The following PXDNL variants were observed in gnomAD, a reference collection of about 807,000 sequenced individuals.
PXDNL encodes probable oxidoreductase PXDNL.
In PXDNL, 145 loss-of-function variants were observed where a neutral mutation model predicts 150.8. The ratio of observed to expected loss-of-function variants is 0.96; its 90% CI spans 0.84 to 1.10. The LOEUF (loss-of-function observed/expected upper bound fraction) is 1.10. Ranked by LOEUF, PXDNL falls within the 50% of genes least tolerant of loss-of-function variation. The pLI, the probability that PXDNL is intolerant of heterozygous loss-of-function variation, is 0.00. For missense variants in PXDNL, 2,087 were observed against 1,873.9 expected (o/e 1.11, Z -2.10); for synonymous variants, 757 against 725.7 (o/e 1.04, Z -0.69).
chr8:51,498,617 G>A (rs895983383), intron 5 of PXDNL, among the ~76,000 whole-genome samples: 3 of 152,010 alleles, frequency 2.0e-5, no homozygotes, highest in Admixed American at 6.6e-5. Context: ...TGTAGACATC[G>A]TGATGTAGAG....
rs114911708 is a variant in PXDNL, at chr8:51,550,940, G to T, written c.380+5900C>A. ...TAAAGGCTCATCCAAAGAGCTCTTA[G>T]ATCTGATAAATGAATTCAGTAAACT... On this transcript the variant is annotated intron_variant, in intron 4 of 22. Transcript: ENST00000356297. 1.8e-3 allele frequency among the ~76,000 whole-genome samples: 273 copies of T among 152,260 alleles called. 1 individual carries two copies. Among genetic ancestry groups the T allele is most frequent in the African/African-American group, 6.0e-3 (250 of 41,552 alleles).
chr8:51,627,754 C>A (rs1398727654), intron 2 of PXDNL, among the ~76,000 whole-genome samples: 2 of 152,118 alleles, frequency 1.3e-5, no homozygotes, highest in Non-Finnish European at 2.9e-5. Flanking sequence ...CTTGCCCCAC[C>A]CCCATCCTGG....
intron 1 of PXDNL, among the ~76,000 whole-genome samples, chr8:51,786,518 C>T (rs2037462045): frequency 6.6e-6 from 1 of 151,868 alleles, no homozygotes; most frequent in Admixed American, 6.6e-5. Context: ...CTTCCTCACT[C>T]CCCGACCCCC....
intron 17 of PXDNL, 72 bp from the exon 18 acceptor site, chr8:51,374,803 G>T: frequency 2.0e-6 from 3 of 1,504,924 alleles, no homozygotes; most frequent in South Asian, 2.4e-5. Flanking sequence ...TTATGTGAAT[G>T]ACCACCAAGC....
Position 51,537,196 on chromosome 8 carries a change from T to C in PXDNL, c.380+19644A>G, listed in dbSNP as rs188547749. ...GGGGAACTTTGAAAAAAACCACTGA[T>C]GCCAGCACCCTCCTCCTGAGATTCT... On this transcript the variant is annotated intron_variant, in intron 4 of 22. Transcript: ENST00000356297. Among the ~76,000 whole-genome samples, 83 of 152,260 alleles carry C rather than the reference T, an allele frequency of 5.5e-4. 1 individual carries two copies. Among genetic ancestry groups the C allele is most frequent in the African/African-American group, 2.0e-3 (82 of 41,552 alleles).
At chr8:51,622,607 A>G (rs758390855) in intron 2 of PXDNL, among the ~76,000 whole-genome samples, 42 of 152,124 alleles carry the variant, frequency 2.8e-4, no homozygotes, top group Admixed American at 2.3e-3. Flanking sequence ...TGACTGCGTG[A>G]TAACATAATA....
rs749317259 is a variant in PXDNL, at chr8:51,339,758, T to C, written c.4017-5A>G. On this transcript the variant is annotated splice_region_variant and splice_polypyrimidine_tract_variant and intron_variant, in intron 20 of 22. Transcript: ENST00000356297. ...ACATATATTTTATCTTGTTGCCTAT[T>C]TATAACAAGAAGCAAATAAAATGCT... The C allele has an allele frequency of 6.3e-7, 1 of 1,586,104 alleles. No individual in the cohort carries two copies. The highest frequency in any genetic ancestry group is 2.2e-5 in the East Asian group (1 of 44,538).
chr8:51,737,508 A>G (rs7005788), intron 1 of PXDNL, among the ~76,000 whole-genome samples: 101,812 of 152,114 alleles, frequency 0.67, 35,594 homozygotes, highest in East Asian at 0.85. Context: ...ACCCTGCTCC[A>G]GGCCCAGCCA....
At chr8:51,425,809 G>A (rs182250531) in intron 13 of PXDNL, among the ~76,000 whole-genome samples, 5,591 of 151,116 alleles carry the variant, frequency 0.037, 151 homozygotes, top group Non-Finnish European at 0.053. Flanking sequence ...GCGACAAAGC[G>A]AGACTCCGTC....
intron 19 of PXDNL, among the ~76,000 whole-genome samples, chr8:51,360,417 A>G (rs1401117602): frequency 1.3e-5 from 2 of 152,182 alleles, no homozygotes; most frequent in African/African-American, 2.4e-5. Context: ...TTAAACATGC[A>G]TGTATCATAC....
At chr8:51,598,404 C>T (rs1813620506) in intron 2 of PXDNL, among the ~76,000 whole-genome samples, 1 of 152,094 alleles carries the variant, frequency 6.6e-6, no homozygotes, top group Non-Finnish European at 1.5e-5. Flanking sequence ...AAGTAGATTC[C>T]TTTAATGCCT....
At chr8:51,726,311 A>T (rs1033145542) in intron 1 of PXDNL, among the ~76,000 whole-genome samples, 1 of 152,190 alleles carries the variant, frequency 6.6e-6, no homozygotes, top group Non-Finnish European at 1.5e-5. Flanking sequence ...TAGTGGATGA[A>T]CACGCCGGCT....
At chr8:51,625,518 A>G (rs551912143) in intron 2 of PXDNL, among the ~76,000 whole-genome samples, 10 of 152,330 alleles carry the variant, frequency 6.6e-5, no homozygotes, top group African/African-American at 2.2e-4. Flanking sequence ...AAAATAAAAT[A>G]CACGATAATT....
chr8:51,636,501 C>T (rs963913014), intron 2 of PXDNL, among the ~76,000 whole-genome samples: 4 of 152,102 alleles, frequency 2.6e-5, no homozygotes, highest in African/African-American at 9.7e-5. Context: ...ATCACACTTG[C>T]AGGTACAAAG....
chr8:51,507,887 AG>A (rs1253808264), intron 4 of PXDNL, among the ~76,000 whole-genome samples: 1 of 152,190 alleles, frequency 6.6e-6, no homozygotes, highest in Non-Finnish European at 1.5e-5. Context: ...TGCCAGGTTG[AG>A]AAACACCTGA....
At chr8:51,489,097 T>C (rs1810835054) in intron 5 of PXDNL, among the ~76,000 whole-genome samples, 2 of 152,114 alleles carry the variant, frequency 1.3e-5, no homozygotes, top group African/African-American at 4.8e-5. Flanking sequence ...ATAACAGATA[T>C]TATGAAACAA....
At chr8:51,401,139 A>G (rs964498287) in intron 17 of PXDNL, among the ~76,000 whole-genome samples, 1 of 152,236 alleles carries the variant, frequency 6.6e-6, no homozygotes, top group Non-Finnish European at 1.5e-5. Flanking sequence ...GTTCTCTAGA[A>G]AAGCAGAAAT....
rs778697209 is a variant in PXDNL at position 51,408,955 on chromosome 8, T to G, written c.2669A>C (p.Gln890Pro). 1 of 1,612,704 alleles carries G rather than the reference T, an allele frequency of 6.2e-7. No homozygotes were observed. Among genetic ancestry groups the G allele is most frequent in the African/African-American group, 1.3e-5 (1 of 75,054 alleles). ...SVYAREQINQ[Q>P]TAYIDGSNVY... ...GTTGGAGCCATCGATGTAGGCTGTT[T>G]GCTGGTTGATCTGCTCTCGTGCATA... Residue 890 changes from glutamine (Q) to proline (P), a missense_variant, in exon 17 of 23, where the codon CAA (glutamine) becomes CCA (proline). By Grantham distance (76) the Gln-to-Pro change is moderately conservative. Coordinates refer to ENST00000356297, the MANE Select transcript of PXDNL (RefSeq NM_144651.5).
At chr8:51,498,074 A>C (rs1242850359) in intron 5 of PXDNL, among the ~76,000 whole-genome samples, 2 of 152,104 alleles carry the variant, frequency 1.3e-5, no homozygotes, top group Non-Finnish European at 2.9e-5. Flanking sequence ...AATATGGCAC[A>C]TATACACCAT....
Sources: gnomAD v4.1 joint callset for allele counts (sites outside exome capture counted in the v4.1 genomes callset) on GRCh38, gnomAD v4.1.1 for gene constraint, MANE v1.5 for transcripts, NCBI Gene and HGNC (gene_info 2026-07-23, HGNC 2026-07-21) for gene names.